AGBL1: variants seen among roughly 807,000 people sequenced by gnomAD.
The protein encoded by AGBL1 is AGBL carboxypeptidase 1, also known as cytosolic carboxypeptidase 4.
AGBL1 carries 130 observed loss-of-function variants against 118.9 expected under a neutral mutation model. The observed-to-expected ratio is 1.09, with a 90% CI of 0.95 to 1.26. The LOEUF (loss-of-function observed/expected upper bound fraction) is 1.26. Ranked by LOEUF, AGBL1 falls within the 50% of genes most tolerant of loss-of-function variation. The pLI is 0.00. For missense variants in AGBL1, 1,584 were observed against 1,298.1 expected (o/e 1.22, Z -3.38); for synonymous variants, 555 against 478.9 (o/e 1.16, Z -2.08).
rs1435339687 is a variant in AGBL1, at chr15:86,850,225, G to GCATTTT, written c.3159-56860_3159-56859insTTTTCA. ...AGTCATTTTCAAGGCTTGATAAGTA[G>GCATTTT]CAAGATGTCACATTCTTGCTGCCTT... On this transcript the variant is annotated intron_variant, in intron 22 of 22. Transcript: ENST00000614907. Among the ~76,000 whole-genome samples, 103 of 50,474 alleles carry GCATTTT rather than the reference G, an allele frequency of 2.0e-3. 1 individual carries two copies. The highest frequency in any genetic ancestry group is 0.014 in the African/African-American group (99 of 7,250). 33.1% of individuals were successfully genotyped at this position (50,474 alleles called of 152,430 possible).
chr15:86,884,631 G>A (rs896989901), intron 22 of AGBL1, among the ~76,000 whole-genome samples: 5 of 152,206 alleles, frequency 3.3e-5, no homozygotes, highest in Admixed American at 1.3e-4. Flanking sequence ...GGACAACATG[G>A]TGAAACCCTT....
chr15:86,432,222 G>C (rs2081943249), intron 18 of AGBL1, among the ~76,000 whole-genome samples: 1 of 152,194 alleles, frequency 6.6e-6, no homozygotes, highest in Non-Finnish European at 1.5e-5. Context: ...TTTCTATTAA[G>C]TAAAGTCCAT....
At chr15:86,701,667 T>TC (rs1482838994) in intron 22 of AGBL1, among the ~76,000 whole-genome samples, 1 of 138,924 alleles carries the variant, frequency 7.2e-6, no homozygotes, top group Non-Finnish European at 1.6e-5. Context: ...CTCCATTTTT[T>TC]CCCTCCCCTT....
At chr15:86,429,754 C>A (rs1347949209) in intron 18 of AGBL1, among the ~76,000 whole-genome samples, 1 of 152,210 alleles carries the variant, frequency 6.6e-6, no homozygotes, top group Non-Finnish European at 1.5e-5. Flanking sequence ...TATGTGAAAT[C>A]AGGCATTTTT....
intron 5 of AGBL1, among the ~76,000 whole-genome samples, chr15:86,171,547 C>T (rs1462115016): frequency 1.3e-5 from 2 of 151,928 alleles, no homozygotes; most frequent in Non-Finnish European, 2.9e-5. Flanking sequence ...TTCAATTCAT[C>T]CAAAAGAAGC....
At chr15:86,562,072 TC>T (rs2142288361) in intron 21 of AGBL1, among the ~76,000 whole-genome samples, 1 of 152,346 alleles carries the variant, frequency 6.6e-6, no homozygotes, top group East Asian at 1.9e-4. Context: ...GATGGGGTTT[TC>T]TAAATATACA....
intron 22 of AGBL1, among the ~76,000 whole-genome samples, chr15:86,703,575 C>T (rs1331180442): frequency 2.0e-5 from 3 of 152,200 alleles, no homozygotes; most frequent in Non-Finnish European, 2.9e-5. Flanking sequence ...CTCTGTGTCC[C>T]TACCCAAATG....
rs576605754 is a variant in AGBL1 at position 86,910,864 on chromosome 15, C to T, written c.*3570C>T. ...AGAGGGGACTTGGGAGCAGACCTCT[C>T]TCCTTTCCTGCTAGGACTGAAGGCT... On this transcript the variant is annotated 3_prime_UTR_variant, in exon 23 of 23. Coordinates refer to ENST00000614907, the MANE Select transcript of AGBL1 (RefSeq NM_001386094.1). 1 of 152,310 alleles carries T rather than the reference C, an allele frequency of 6.6e-6. No individual in the cohort carries two copies. The highest frequency in any genetic ancestry group is 2.4e-5 in the African/African-American group (1 of 41,562). The allele number at this position is 152,310 out of a possible 1,614,324, so 9.4% of individuals were successfully genotyped here. A position where few individuals can be genotyped will look rare whatever the true frequency, so the allele number is the denominator to read the frequency against.
intron 6 of AGBL1, among the ~76,000 whole-genome samples, chr15:86,236,942 C>CGGGGG (rs1261702473): frequency 2.1e-4 from 9 of 43,010 alleles, no homozygotes; most frequent in South Asian, 1.5e-3. Flanking sequence ...CGGGGGGGGG[C>CGGGGG]GGGGGGGGGC....
intron 24 of AGBL1, among the ~76,000 whole-genome samples, chr15:86,993,589 G>C (rs541555365): frequency 1.3e-5 from 2 of 152,306 alleles, no homozygotes; most frequent in South Asian, 4.1e-4. Flanking sequence ...TCTCACGTGG[G>C]TGGTTATATG....
chr15:86,173,728 C>CT (rs1306101840), intron 5 of AGBL1, among the ~76,000 whole-genome samples: 4 of 151,866 alleles, frequency 2.6e-5, no homozygotes, highest in Non-Finnish European at 5.9e-5. Flanking sequence ...GTTGTTGGTG[C>CT]TTTTTTCAAA....
At chr15:86,768,281 A>G (rs1388899779) in intron 22 of AGBL1, among the ~76,000 whole-genome samples, 1 of 151,998 alleles carries the variant, frequency 6.6e-6, no homozygotes, top group Non-Finnish European at 1.5e-5. Context: ...TTCCCATTGC[A>G]TATAACATAG....
chr15:86,940,830 G>A (rs762451892), intron 23 of AGBL1, among the ~76,000 whole-genome samples: 19 of 152,110 alleles, frequency 1.2e-4, no homozygotes, highest in Non-Finnish European at 2.4e-4. Flanking sequence ...TTTTGTTTCT[G>A]TTTTCCTACC....
At chr15:86,972,326 C>G in intron 23 of AGBL1, among the ~76,000 whole-genome samples, 1 of 151,882 alleles carries the variant, frequency 6.6e-6, no homozygotes, top group East Asian at 1.9e-4. Context: ...TTGCTATTTG[C>G]CCAACATATA....
chr15:86,536,160 T>C (rs1353870664), intron 19 of AGBL1, among the ~76,000 whole-genome samples: 6 of 152,328 alleles, frequency 3.9e-5, no homozygotes, highest in South Asian at 2.1e-4. Context: ...TTTGTGTATA[T>C]TTTTACTGAC....
At chr15:86,670,648 GTGTA>G (rs2085730094) in intron 21 of AGBL1, among the ~76,000 whole-genome samples, 1 of 41,676 alleles carries the variant, frequency 2.4e-5, no homozygotes, top group South Asian at 1.1e-3. Context: ...GTGTGTGTGT[GTGTA>G]TATATATATA....
At chr15:86,266,336 A>T (rs1462679635) in intron 11 of AGBL1, 38 bp from the exon 12 acceptor site, 1 of 1,501,498 alleles carries the variant, frequency 6.7e-7, no homozygotes, top group Admixed American at 2.0e-5. Context: ...TAGGGAGAGA[A>T]GGCCGACCCT....
At chr15:86,128,325 C>T (rs892511953) in intron 1 of AGBL1, among the ~76,000 whole-genome samples, 1 of 152,030 alleles carries the variant, frequency 6.6e-6, no homozygotes, top group Non-Finnish European at 1.5e-5. Context: ...ACCACAAGAA[C>T]AGTATGGGGG....
At chr15:86,935,721 A>T (rs2080663929) in intron 23 of AGBL1, among the ~76,000 whole-genome samples, 1 of 152,156 alleles carries the variant, frequency 6.6e-6, no homozygotes, top group Non-Finnish European at 1.5e-5. Context: ...ACTAAAAATG[A>T]AATCTTGTTG....
Sources: gnomAD v4.1 joint callset for allele counts (sites outside exome capture counted in the v4.1 genomes callset) on GRCh38, gnomAD v4.1.1 for gene constraint, MANE v1.5 for transcripts, NCBI Gene and HGNC (gene_info 2026-07-23, HGNC 2026-07-21) for gene names.